The following MAP3K11 variants were observed in gnomAD, a reference collection of about 807,000 sequenced individuals.
MAP3K11 encodes mitogen-activated protein kinase kinase kinase 11, also known as SH3 domain-containing proline-rich kinase.
In MAP3K11, 46 loss-of-function variants were observed where a neutral mutation model predicts 84.9. The observed-to-expected ratio is 0.54, with a 90% CI of 0.43 to 0.69. MAP3K11 has a LOEUF of 0.69. Among genes scored for constraint, MAP3K11 ranks in the 30% least tolerant of loss-of-function variants. The pLI, the probability that MAP3K11 is intolerant of heterozygous loss-of-function variation, is 0.00. For missense variants in MAP3K11, 1,053 were observed against 1,198.3 expected (o/e 0.88, Z 1.79); for synonymous variants, 527 against 514.7 (o/e 1.02, Z -0.32).
chr11:65,607,584 C>T, intron 4 of MAP3K11, 57 bp downstream of exon 4: 2 of 1,566,364 alleles, frequency 1.3e-6, no homozygotes, highest in East Asian at 4.5e-5. Context: ...CCCGACTCTG[C>T]CCCAGGGAGA....
In MAP3K11 at chr11:65,599,388, A is replaced by T; in HGVS notation, c.2206+6T>A. 1 of 1,536,424 alleles carries T rather than the reference A, an allele frequency of 6.5e-7. No individual in the cohort carries two copies. The highest frequency in any genetic ancestry group is 8.7e-7 in the Non-Finnish European group (1 of 1,151,496). On this transcript the variant is annotated splice_donor_region_variant and intron_variant, in intron 9 of 9. Coordinates refer to ENST00000309100, the MANE Select transcript of MAP3K11 (RefSeq NM_002419.4). Reference sequence around the variant, plus strand: ...ATGTGAAGCAGGCCGGCTTCAGGCCACTCACCGCGGGGCTCCTCCTCACGT... The same window carrying T: ...ATGTGAAGCAGGCCGGCTTCAGGCCTCTCACCGCGGGGCTCCTCCTCACGT...
rs757688762 is a variant in MAP3K11, at chr11:65,607,677, G to A, written c.1209C>T (p.Ile403=). 6.2e-7 allele frequency: 1 copy of A among 1,613,076 alleles called. No homozygotes were observed. Among genetic ancestry groups the A allele is most frequent in the Admixed American group, 1.7e-5 (1 of 59,994 alleles). The stretch of plus-strand genomic sequence containing the variant: ...CTCGCAGCTCGTCGAAGAGACCCTG[G>A]ATCTCGCGCTTCCAGCCTTCCTGCA... ...HSMQEGWKRE[I]QGLFDELRAK... The change falls in exon 4 of 10, where the codon ATC becomes ATT. Residue 403 remains isoleucine, a synonymous_variant. Coordinates refer to ENST00000309100, the MANE Select transcript of MAP3K11 (RefSeq NM_002419.4).
Position 65,607,701 on chromosome 11 carries a change from C to A in MAP3K11, c.1185G>T (p.Met395Ile), listed in dbSNP as rs1437402902. 1 of 1,613,698 alleles carries A rather than the reference C, an allele frequency of 6.2e-7. No homozygotes were observed. Among genetic ancestry groups the A allele is most frequent in the African/African-American group, 1.3e-5 (1 of 75,006 alleles). The part of the protein sequence containing the change: ...REMPRDSFHS[M>I]QEGWKREIQG... ...GGATCTCGCGCTTCCAGCCTTCCTGCATGGAATGGAAGGAGTCCCGCGGCA... is the reference window on the plus strand; with the variant it reads ...GGATCTCGCGCTTCCAGCCTTCCTGAATGGAATGGAAGGAGTCCCGCGGCA... Residue 395 changes from methionine (M) to isoleucine (I), a missense_variant, in exon 4 of 10, where the codon ATG becomes ATT. Met to Ile is a conservative substitution (Grantham distance 10). Transcript: ENST00000309100.
intron 9 of MAP3K11, 45 bp downstream of exon 9, chr11:65,599,349 C>T: frequency 4.7e-6 from 7 of 1,502,126 alleles, no homozygotes; most frequent in Non-Finnish European, 6.2e-6. Flanking sequence ...TCCCTGGGAA[C>T]CCCCGTCTCC....
intron 9 of MAP3K11, 74 bp from the exon 10 acceptor site, chr11:65,598,702 T>C: frequency 8.7e-7 from 1 of 1,150,372 alleles, no homozygotes; most frequent in African/African-American, 1.6e-5. Flanking sequence ...TGTCCTGCTC[T>C]GGGCCTCAGT....
chr11:65,599,801 G>C lies in MAP3K11; in HGVS notation c.1832-33C>G. 1.9e-6 allele frequency: 3 copies of C among 1,583,030 alleles called. No homozygotes were observed. The East Asian group carries it at 6.8e-5, about 36-fold the overall frequency. On this transcript the variant is annotated intron_variant, in intron 8 of 9. Coordinates refer to ENST00000309100, the MANE Select transcript of MAP3K11 (RefSeq NM_002419.4). ...CAGAGGCGGCACAGGTGAGGGTGTGGCTGGTGCATATTCCGGGTGAGGGCC... is the reference window on the plus strand; with the variant it reads ...CAGAGGCGGCACAGGTGAGGGTGTGCCTGGTGCATATTCCGGGTGAGGGCC...
rs1854519631 is a variant in MAP3K11, at chr11:65,607,195, G to A, written c.1489+75C>T. ...CAACACCCTAAACCAATCCCAGCGC[G>A]GTGAGCACACAGGCCTGGCTCCACC... On this transcript the variant is annotated intron_variant, in intron 5 of 9. Transcript: ENST00000309100. 5.7e-6 allele frequency: 8 copies of A among 1,400,288 alleles called. No individual in the cohort carries two copies. In the East Asian group the frequency reaches 2.3e-4, roughly 41 times the overall value. The allele number at this position is 1,400,288 out of a possible 1,614,324, so 86.7% of individuals were successfully genotyped here. A position where few individuals can be genotyped will look rare whatever the true frequency, so the allele number is the denominator to read the frequency against.
At position 65,598,172 on chromosome 11, in the gene MAP3K11, A is replaced by AGG; in HGVS notation, c.*117_*118dup. 1.2e-6 allele frequency: 1 copy of AGG among 839,454 alleles called. No individual in the cohort carries two copies. Among genetic ancestry groups the AGG allele is most frequent in the Admixed American group, 3.6e-5 (1 of 27,568 alleles). The allele number at this position is 839,454 out of a possible 1,614,324, so 52.0% of individuals were successfully genotyped here. A position where few individuals can be genotyped will look rare whatever the true frequency, so the allele number is the denominator to read the frequency against. ...GCAGTGTAGTGTTCCTGACCCCCAAAGGGGGGTGGGGTCCCTGGGGAAACT... is the reference window on the plus strand; with the variant it reads ...GCAGTGTAGTGTTCCTGACCCCCAAAGGGGGGGGTGGGGTCCCTGGGGAAACT... On this transcript the variant is annotated 3_prime_UTR_variant, in exon 10 of 10. Transcript: ENST00000309100.
Position 65,606,007 on chromosome 11 carries a change from G to A in MAP3K11, c.1678C>T (p.Arg560Trp), listed in dbSNP as rs771728761. ...GGACCCCAAGCCCAGCATGCTCGCC[G>A]CTCTCCATTGCTTGAGTCCTCCAGA... ...RRLEDSSNGE[R>W]RACWAWGPSS... Residue 560 changes from arginine (R) to tryptophan (W), a missense_variant, in exon 7 of 10, where the codon CGG (arginine) becomes TGG (tryptophan). By Grantham distance (101) the Arg-to-Trp change is moderately radical (BLOSUM62 -3). Around this residue, in one of 3 missense-constraint regions of MAP3K11, gnomAD observed 583 missense variants for 566.6 expected, o/e 1.03. Coordinates refer to ENST00000309100, the MANE Select transcript of MAP3K11 (RefSeq NM_002419.4). The A allele has an allele frequency of 4.4e-6, 7 of 1,601,218 alleles. No individual in the cohort carries two copies. The highest frequency in any genetic ancestry group is 2.3e-5 in the East Asian group (1 of 44,030).
chr11:65,609,321 A>G (rs2135372248), intron 1 of MAP3K11: 1 of 152,306 alleles, frequency 6.6e-6, no homozygotes, highest in South Asian at 2.1e-4. Context: ...GCCACTCCCA[A>G]AGCAAAGACT....
chr11:65,607,924 G>A lies in MAP3K11; in HGVS notation c.1067C>T (p.Ala356Val). The part of the protein sequence containing the change: ...TCPEPFAQLM[A>V]DCWAQDPHRR... ...ACCTGCCCTCCCCGTCCTCTTACCG[G>A]CCATAAGCTGTGCGAAGGGCTCGGG... The change falls in exon 3 of 10, where the codon GCC becomes GTC. Residue 356 changes from alanine (A) to valine (V), a missense_variant and splice_region_variant. Physicochemically the swap from Ala to Val is moderately conservative, Grantham distance 64. Transcript: ENST00000309100. 1 of 1,613,818 alleles carries A rather than the reference G, an allele frequency of 6.2e-7. No homozygotes were observed. Among genetic ancestry groups the A allele is most frequent in the Non-Finnish European group, 8.5e-7 (1 of 1,179,842 alleles).
intron 2 of MAP3K11, 86 bp from the exon 3 acceptor site, chr11:65,608,156 GCCAAGTGGTTTGGGT>G: frequency 6.3e-7 from 1 of 1,595,492 alleles, no homozygotes; most frequent in East Asian, 2.2e-5. Flanking sequence ...GCAACTAGGA[GCCAAGTGGTTTGGGT>G]CCCTGTCCCT....
In MAP3K11 at chr11:65,605,795, G is replaced by C; in HGVS notation, c.1797C>G (p.Pro599=). Residue 599 remains proline, a synonymous_variant, in exon 8 of 10, where the codon CCC becomes CCG. Transcript: ENST00000309100. Reference sequence around the variant, plus strand: ...CTGGGGGTGTGGAAGGAGATCCTAAGGGGGATGAGTCATCTGAATCCAGGT... The same window carrying C: ...CTGGGGGTGTGGAAGGAGATCCTAACGGGGATGAGTCATCTGAATCCAGGT... ...TWYLDSDDSS[P]LGSPSTPPAL... 6.2e-7 allele frequency: 1 copy of C among 1,612,604 alleles called. No homozygotes were observed. The highest frequency in any genetic ancestry group is 8.5e-7 in the Non-Finnish European group (1 of 1,179,396).
At position 65,608,467 on chromosome 11, in the gene MAP3K11, A is replaced by G; in HGVS notation, c.740-19T>C. On this transcript the variant is annotated intron_variant, in intron 1 of 9. Coordinates refer to ENST00000309100, the MANE Select transcript of MAP3K11 (RefSeq NM_002419.4). ...AGCAAAACTAGAGAAGAGGGGCCAG[A>G]TTGTGGATGCTCCAGGATCAGGTGG... The G allele has an allele frequency of 6.2e-7, 1 of 1,613,014 alleles. No individual in the cohort carries two copies. The highest frequency in any genetic ancestry group is 8.5e-7 in the Non-Finnish European group (1 of 1,179,190).
intron 6 of MAP3K11, 55 bp from the exon 7 acceptor site, chr11:65,606,136 C>G: frequency 6.6e-7 from 1 of 1,517,772 alleles, no homozygotes; most frequent in African/African-American, 1.4e-5. Context: ...TCCATCATCA[C>G]AGTCAGGCTT....
In MAP3K11 at chr11:65,606,793, G is replaced by A. The variant is rs1854513574; in HGVS notation, c.1501C>T (p.Arg501Cys). 6.2e-7 allele frequency: 1 copy of A among 1,602,618 alleles called. No homozygotes were observed. The highest frequency in any genetic ancestry group is 8.5e-7 in the Non-Finnish European group (1 of 1,173,704). Reference protein sequence around the residue: ...RISMPLDFKHRITVQASPGLD... With the variant: ...RISMPLDFKHCITVQASPGLD... ...CCGGGTGAGGCCTGCACGGTGATGCGGTGCTTGAAGTCTGGGATTTGGGTT... is the reference window on the plus strand; with the variant it reads ...CCGGGTGAGGCCTGCACGGTGATGCAGTGCTTGAAGTCTGGGATTTGGGTT... Residue 501 changes from arginine to cysteine, a missense_variant, in exon 6 of 10, where the codon CGC (arginine) becomes TGC (cysteine). Arg to Cys is a radical substitution (Grantham distance 180). Coordinates refer to ENST00000309100, the MANE Select transcript of MAP3K11 (RefSeq NM_002419.4).
At chr11:65,599,055 G>C (rs2135361898) in intron 9 of MAP3K11, among the ~76,000 whole-genome samples, 1 of 152,300 alleles carries the variant, frequency 6.6e-6, no homozygotes, top group African/African-American at 2.4e-5. Context: ...CGCCCAGGCT[G>C]GAGTCCAGTG....
chr11:65,600,206 C>A (rs949277712), intron 8 of MAP3K11, among the ~76,000 whole-genome samples: 2 of 152,154 alleles, frequency 1.3e-5, no homozygotes, highest in African/African-American at 4.8e-5. Flanking sequence ...TGCCCACCCA[C>A]CCCCGCTCCA....
Position 65,605,720 on chromosome 11 carries a change from G to A in MAP3K11, c.1831+41C>T, listed in dbSNP as rs147790712. 3.2e-5 allele frequency: 48 copies of A among 1,503,030 alleles called. No homozygotes were observed. In the African/African-American group the frequency reaches 5.3e-4, roughly 17 times the overall value. The allele number at this position is 1,503,030 out of a possible 1,614,324, so 93.1% of individuals were successfully genotyped here. ...TGGCCTCCCCAAGGTGCCCACGGAA[G>A]GAGCTCAGCCAGATCCTGCCGGGGG... On this transcript the variant is annotated intron_variant, in intron 8 of 9. Coordinates refer to ENST00000309100, the MANE Select transcript of MAP3K11 (RefSeq NM_002419.4).
Sources: allele counts gnomAD v4.1 joint callset (sites outside exome capture counted in the v4.1 genomes callset), GRCh38; gene constraint gnomAD v4.1.1; regional missense constraint gnomAD v4.1.1; transcripts MANE v1.5; gene names NCBI Gene and HGNC (gene_info 2026-07-23, HGNC 2026-07-21).